The following TUSC3 variants were observed in gnomAD, a reference collection of about 807,000 sequenced individuals.
TUSC3 encodes tumor suppressor candidate 3.
A neutral mutation model predicts 44.8 loss-of-function variants in TUSC3; 45 were observed. That is an observed-to-expected ratio of 1.00 (90% CI 0.79 to 1.29). The LOEUF is 1.29. Ranked by LOEUF, TUSC3 falls within the 50% of genes most tolerant of loss-of-function variation. TUSC3 has a pLI of 0.00. For synonymous variants in TUSC3, 212 were observed against 152.9 expected (o/e 1.39, Z -2.85); for missense variants, 519 against 437.9 (o/e 1.19, Z -1.65).
At chr8:15,688,006 G>T (rs1408591865) in intron 6 of TUSC3, among the ~76,000 whole-genome samples, 1 of 151,848 alleles carries the variant, frequency 6.6e-6, no homozygotes, top group Non-Finnish European at 1.5e-5. Flanking sequence ...TACATCAGAG[G>T]AGAAAGGATA....
chr8:15,612,514 G>A (rs1044411889), intron 1 of TUSC3, among the ~76,000 whole-genome samples: 2 of 152,152 alleles, frequency 1.3e-5, no homozygotes, highest in South Asian at 2.1e-4. Flanking sequence ...GAGAAAAAAT[G>A]GAGTGGTGTC....
chr8:15,474,544 C>G (rs545966964), intron 1 of TUSC3, among the ~76,000 whole-genome samples: 21 of 152,218 alleles, frequency 1.4e-4, no homozygotes, highest in African/African-American at 4.3e-4. Flanking sequence ...GTAATTAAAT[C>G]TCACTAGGTG....
At chr8:15,481,099 A>T (rs1480238799) in intron 1 of TUSC3, among the ~76,000 whole-genome samples, 2 of 151,858 alleles carry the variant, frequency 1.3e-5, no homozygotes, top group South Asian at 2.1e-4. Flanking sequence ...AAATACAAAA[A>T]TATCCCAGTG....
At chr8:15,794,936 T>C in the TUSC3 span, among the ~76,000 whole-genome samples, 1 of 152,186 alleles carries the variant, frequency 6.6e-6, no homozygotes, top group Non-Finnish European at 1.5e-5. Flanking sequence ...GTGAGAATCC[T>C]GTGATGGGTT....
intron 6 of TUSC3, among the ~76,000 whole-genome samples, chr8:15,682,340 G>T (rs768602950): frequency 1.3e-5 from 2 of 152,072 alleles, no homozygotes; most frequent in East Asian, 1.9e-4. Context: ...ATGAATCTGG[G>T]TGCTCTAATT....
the TUSC3 span, among the ~76,000 whole-genome samples, chr8:15,815,228 A>G: frequency 3.3e-5 from 5 of 152,094 alleles, no homozygotes; most frequent in Non-Finnish European, 7.4e-5. Context: ...GATATGAAAG[A>G]TAGATAGACT....
At chr8:15,642,808 A>C (rs1372589840) in intron 2 of TUSC3, among the ~76,000 whole-genome samples, 1 of 150,006 alleles carries the variant, frequency 6.7e-6, no homozygotes, top group Non-Finnish European at 1.5e-5. Flanking sequence ...TAAGATTATA[A>C]GTGTTATAAT....
intron 2 of TUSC3, among the ~76,000 whole-genome samples, chr8:15,633,297 A>G (rs113310142): frequency 7.2e-5 from 11 of 152,296 alleles, no homozygotes; most frequent in African/African-American, 2.6e-4. Context: ...TCTCTCATCC[A>G]TAGCAACTCA....
chr8:15,431,194 A>G (rs970696530), intron 1 of TUSC3, among the ~76,000 whole-genome samples: 5 of 151,320 alleles, frequency 3.3e-5, no homozygotes, highest in African/African-American at 1.2e-4. Context: ...TGAATTTTGG[A>G]ATTGTTTTTT....
chr8:15,566,007 C>T (rs371449828), intron 1 of TUSC3, among the ~76,000 whole-genome samples: 1 of 152,104 alleles, frequency 6.6e-6, no homozygotes, highest in African/African-American at 2.4e-5. Flanking sequence ...CAAATATCAT[C>T]GCTTATGATG....
At chr8:15,633,978 C>T (rs888805256) in intron 2 of TUSC3, among the ~76,000 whole-genome samples, 3 of 152,154 alleles carry the variant, frequency 2.0e-5, no homozygotes, top group African/African-American at 7.2e-5. Flanking sequence ...CCCTCTGGGT[C>T]AGCTCCCCCA....
At chr8:15,470,179 G>A (rs992333667) in intron 1 of TUSC3, among the ~76,000 whole-genome samples, 6 of 151,332 alleles carry the variant, frequency 4.0e-5, no homozygotes, top group Admixed American at 2.6e-4. Context: ...GGAATCTGAG[G>A]TGAAAAGATT....
At chr8:15,605,225 T>A (rs576322187) in intron 1 of TUSC3, among the ~76,000 whole-genome samples, 1 of 151,864 alleles carries the variant, frequency 6.6e-6, no homozygotes, top group East Asian at 1.9e-4. Context: ...AAGCACAGAG[T>A]AACTCATGCC....
At chr8:15,653,190 G>C (rs1459961765) in intron 3 of TUSC3, among the ~76,000 whole-genome samples, 1 of 152,128 alleles carries the variant, frequency 6.6e-6, no homozygotes, top group Admixed American at 6.5e-5. Context: ...GTATGGTGTG[G>C]GTGGGGACTA....
chr8:15,567,817 A>G (rs1437815052), intron 1 of TUSC3, among the ~76,000 whole-genome samples: 1 of 152,190 alleles, frequency 6.6e-6, no homozygotes, highest in Admixed American at 6.5e-5. Flanking sequence ...TTAGCTAAGG[A>G]CTATCTCCTG....
chr8:15,437,912 C>G (rs1346156387), intron 1 of TUSC3, among the ~76,000 whole-genome samples: 1 of 152,182 alleles, frequency 6.6e-6, no homozygotes, highest in African/African-American at 2.4e-5. Flanking sequence ...ATAACTCCAA[C>G]TTGAAAACAT....
intron 6 of TUSC3, among the ~76,000 whole-genome samples, chr8:15,682,704 C>G (rs906107561): frequency 6.6e-5 from 10 of 151,910 alleles, no homozygotes; most frequent in Admixed American, 3.9e-4. Context: ...GCTGGGTTAA[C>G]TTTTATTCTT....
At chr8:15,569,064 A>G (rs1802774732) in intron 1 of TUSC3, among the ~76,000 whole-genome samples, 1 of 152,138 alleles carries the variant, frequency 6.6e-6, no homozygotes, top group Non-Finnish European at 1.5e-5. Context: ...GTTATATATT[A>G]AATGATCAAA....
intron 1 of TUSC3, among the ~76,000 whole-genome samples, chr8:15,458,365 A>T: frequency 6.6e-6 from 1 of 152,078 alleles, no homozygotes; most frequent in Non-Finnish European, 1.5e-5. Context: ...CAGTCTCCCG[A>T]ATAGCTGCGA....
Sources: allele counts gnomAD v4.1 joint callset (sites outside exome capture counted in the v4.1 genomes callset), GRCh38; gene constraint gnomAD v4.1.1; transcripts MANE v1.5; gene names NCBI Gene and HGNC (gene_info 2026-07-23, HGNC 2026-07-21).